The following SWAP70 variants were observed in gnomAD, a reference collection of about 807,000 sequenced individuals.
SWAP70 encodes switching B cell complex subunit SWAP70.
SWAP70 carries 34 observed loss-of-function variants against 80.2 expected under a neutral mutation model. The ratio of observed to expected loss-of-function variants is 0.42; its 90% CI spans 0.32 to 0.56. The LOEUF (loss-of-function observed/expected upper bound fraction) is 0.56. Among genes scored for constraint, SWAP70 ranks in the 20% least tolerant of loss-of-function variants. The pLI, the probability that SWAP70 is intolerant of heterozygous loss-of-function variation, is 0.09. For synonymous variants in SWAP70, 239 were observed against 238.5 expected, an observed-to-expected ratio of 1.00 and a Z score of -0.02; for missense variants, 578 against 690.7, an observed-to-expected ratio of 0.84 and a Z score of 1.83.
chr11:9,746,714 G>A (rs562904478), intron 9 of SWAP70, among the ~76,000 whole-genome samples: 1 of 152,358 alleles, frequency 6.6e-6, no homozygotes, highest in South Asian at 2.1e-4. Flanking sequence ...TACTTCCTTT[G>A]TGGAACTAGG....
chr11:9,670,220 T>C (rs1850358499), intron 1 of SWAP70, among the ~76,000 whole-genome samples: 1 of 152,050 alleles, frequency 6.6e-6, no homozygotes, highest in South Asian at 2.1e-4. Flanking sequence ...AGGGAAATGG[T>C]GGGTCAAGGT....
At chr11:9,696,652 T>G (rs925559253) in intron 2 of SWAP70, among the ~76,000 whole-genome samples, 1 of 152,174 alleles carries the variant, frequency 6.6e-6, no homozygotes, top group Non-Finnish European at 1.5e-5. Flanking sequence ...TATAAGCAAC[T>G]TATTTTTTTA....
intron 1 of SWAP70, among the ~76,000 whole-genome samples, chr11:9,692,160 A>C (rs1474638025): frequency 6.6e-6 from 1 of 151,566 alleles, no homozygotes; most frequent in Non-Finnish European, 1.5e-5. Context: ...TAGAAGAAAA[A>C]GTATAGGCTA....
intron 7 of SWAP70, 119 bp downstream of exon 7, chr11:9,732,829 G>T (rs1323900470): frequency 3.2e-6 from 3 of 939,500 alleles, no homozygotes; most frequent in Non-Finnish European, 4.7e-6. Flanking sequence ...GGAGATACTT[G>T]TGGTGAACTG....
intron 2 of SWAP70, among the ~76,000 whole-genome samples, chr11:9,694,841 C>T (rs776919547): frequency 1.3e-5 from 2 of 152,118 alleles, no homozygotes; most frequent in African/African-American, 2.4e-5. Context: ...GAAACAGGAA[C>T]GCTTTTACAC....
At chr11:9,711,600 G>T (rs1169476041) in intron 2 of SWAP70, among the ~76,000 whole-genome samples, 4 of 152,174 alleles carry the variant, frequency 2.6e-5, no homozygotes, top group East Asian at 3.8e-4. Flanking sequence ...TGAATCTGCA[G>T]TGAGTGACGC....
chr11:9,729,702 C>T (rs1851272060), intron 6 of SWAP70, among the ~76,000 whole-genome samples: 1 of 152,118 alleles, frequency 6.6e-6, no homozygotes, highest in Non-Finnish European at 1.5e-5. Flanking sequence ...CCATGTTGGT[C>T]ACGCTGGTCT....
At chr11:9,674,401 A>T (rs936397565) in intron 1 of SWAP70, among the ~76,000 whole-genome samples, 9 of 152,058 alleles carry the variant, frequency 5.9e-5, no homozygotes, top group Non-Finnish European at 8.8e-5. Flanking sequence ...ACACAGATTT[A>T]AAAAAAACCC....
rs144667277 is a variant in SWAP70, at chr11:9,728,244, C to T, written c.789+45C>T. 324 of 1,510,958 alleles carry T rather than the reference C, an allele frequency of 2.1e-4. 2 individuals carry two copies. In the East Asian group the frequency reaches 6.4e-3, roughly 30 times the overall value. The allele number at this position is 1,510,958 out of a possible 1,614,324, so 93.6% of individuals were successfully genotyped here. A position where few individuals can be genotyped will look rare whatever the true frequency, so the allele number is the denominator to read the frequency against. On this transcript the variant is annotated intron_variant, in intron 5 of 11. Transcript: ENST00000318950. Reference sequence around the variant, plus strand: ...TTTGCATGATTACCCCGTGCTGCCCCCTGATGCTGAAGTAGCTTCTCACCT... The same window carrying T: ...TTTGCATGATTACCCCGTGCTGCCCTCTGATGCTGAAGTAGCTTCTCACCT...
rs1472701585 is a variant in SWAP70 at position 9,751,831 on chromosome 11, T to A, written c.*1861T>A. 6 of 152,248 alleles carry A rather than the reference T, an allele frequency of 3.9e-5. No individual in the cohort carries two copies. The highest frequency in any genetic ancestry group is 3.9e-4 in the Admixed American group (6 of 15,292). 9.4% of individuals were successfully genotyped at this position (152,248 alleles called of 1,614,324 possible). On this transcript the variant is annotated 3_prime_UTR_variant, in exon 12 of 12. Transcript: ENST00000318950. ...TGTAACTTTAACGGTTTCTTATAGT[T>A]GCCTTTATAAAGTGTATTGTCTAAA...
chr11:9,679,243 G>A (rs1265430522), intron 1 of SWAP70, among the ~76,000 whole-genome samples: 1 of 152,194 alleles, frequency 6.6e-6, no homozygotes, highest in Non-Finnish European at 1.5e-5. Flanking sequence ...TTGATTTGAA[G>A]GAGGAGAATG....
intron 2 of SWAP70, among the ~76,000 whole-genome samples, chr11:9,695,617 T>C (rs1379999288): frequency 7.5e-6 from 1 of 133,052 alleles, no homozygotes; most frequent in East Asian, 2.2e-4. Context: ...CCAGGATCTG[T>C]TGGGGGTTGG....
rs183263274 is a variant in SWAP70, at chr11:9,669,235, T to C, written c.99+4957T>C. 2.0e-5 allele frequency among the ~76,000 whole-genome samples: 3 copies of C among 152,330 alleles called. No homozygotes were observed. In the East Asian group the frequency reaches 5.8e-4, roughly 29 times the overall value. ...TAGGAATGGGGGAAGATTAAGCCCATTCTATTAATTAATTAATTACTTAGT... is the reference window on the plus strand; with the variant it reads ...TAGGAATGGGGGAAGATTAAGCCCACTCTATTAATTAATTAATTACTTAGT... On this transcript the variant is annotated intron_variant, in intron 1 of 11. Coordinates refer to ENST00000318950, the MANE Select transcript of SWAP70 (RefSeq NM_015055.4).
chr11:9,684,597 A>G (rs376747513), intron 1 of SWAP70, among the ~76,000 whole-genome samples: 1 of 152,138 alleles, frequency 6.6e-6, no homozygotes, highest in African/African-American at 2.4e-5. Flanking sequence ...GGACTTCTCT[A>G]CTAGATCTCA....
intron 9 of SWAP70, among the ~76,000 whole-genome samples, chr11:9,743,530 T>C (rs1414215484): frequency 6.6e-6 from 1 of 151,456 alleles, no homozygotes; most frequent in Non-Finnish European, 1.5e-5. Flanking sequence ...TGTAAAAGTG[T>C]TCCTATTTCT....
In SWAP70 at chr11:9,742,899, T is replaced by A. The variant is rs574823954; in HGVS notation, c.1355+2552T>A. On this transcript the variant is annotated intron_variant, in intron 9 of 11. Coordinates refer to ENST00000318950, the MANE Select transcript of SWAP70 (RefSeq NM_015055.4). ...CTTCTCACTCCTTTTTTTTTTTTTT[T>A]AATTTTATTATTATTATACTTTAAG... Among the ~76,000 whole-genome samples the A allele has an allele frequency of 3.2e-3, 474 of 149,836 alleles. 2 individuals carry two copies. The highest frequency in any genetic ancestry group is 0.01 in the African/African-American group (416 of 40,860).
At chr11:9,708,663 C>T (rs1850954684) in intron 2 of SWAP70, among the ~76,000 whole-genome samples, 1 of 152,212 alleles carries the variant, frequency 6.6e-6, no homozygotes, top group African/African-American at 2.4e-5. Context: ...CCCTATGATT[C>T]ACCACAGAAT....
intron 1 of SWAP70, among the ~76,000 whole-genome samples, chr11:9,671,119 A>G (rs1211039602): frequency 2.2e-5 from 3 of 135,854 alleles, no homozygotes; most frequent in Non-Finnish European, 4.6e-5. Flanking sequence ...ATAAAAATAT[A>G]TATAAATATA....
At chr11:9,749,784 A>T in intron 11 of SWAP70, 80 bp from the exon 12 acceptor site, 1 of 841,624 alleles carries the variant, frequency 1.2e-6, no homozygotes, top group East Asian at 2.5e-5. Flanking sequence ...TAGGGAAGTT[A>T]CTATTTTGTC....
Sources: gnomAD v4.1 joint callset for allele counts (sites outside exome capture counted in the v4.1 genomes callset) on GRCh38, gnomAD v4.1.1 for gene constraint, MANE v1.5 for transcripts, NCBI Gene and HGNC (gene_info 2026-07-23, HGNC 2026-07-21) for gene names.